ADAR: variants seen among roughly 807,000 people sequenced by gnomAD.
The protein encoded by ADAR is adenosine deaminase RNA specific.
Under a neutral mutation model 113.2 loss-of-function variants are expected in ADAR, and 41 were observed. That is an observed-to-expected ratio of 0.36 (90% CI 0.28 to 0.47). The LOEUF (loss-of-function observed/expected upper bound fraction) is 0.47. Ranked by LOEUF, ADAR falls within the 20% of genes least tolerant of loss-of-function variation. ADAR has a pLI of 1.00. For missense variants in ADAR, 1,242 were observed against 1,540.9 expected, an observed-to-expected ratio of 0.81 and a Z score of 3.25; for synonymous variants, 605 against 572.6, an observed-to-expected ratio of 1.06 and a Z score of -0.81.
intron 13 of ADAR, 161 bp downstream of exon 13, chr1:154,585,592 G>T: frequency 3.5e-6 from 3 of 869,216 alleles, no homozygotes; most frequent in Non-Finnish European, 5.5e-6. Context: ...GTTCTTGGGA[G>T]ACCAACCAAT....
chr1:154,627,914 A>AGCCTCCCCCCCCCCCCCCCCCCCCC, exon 1 of ADAR: 2 of 463,320 alleles, frequency 4.3e-6, no homozygotes, highest in Non-Finnish European at 8.5e-6. Flanking sequence ...TGCGGCCGCG[A>AGCCTCCCCCCCCCCCCCCCCCCCCC]CCCTCCCCCC....
intron 11 of ADAR, among the ~76,000 whole-genome samples, chr1:154,586,791 G>A (rs1228628690): frequency 6.6e-6 from 1 of 152,082 alleles, no homozygotes; most frequent in African/African-American, 2.4e-5. Flanking sequence ...CAAAAGCAAA[G>A]GCCCCAAGGC....
chr1:154,585,462 T>C, intron 13 of ADAR, 118 bp from the exon 14 acceptor site: 1 of 1,484,206 alleles, frequency 6.7e-7, no homozygotes, highest in South Asian at 1.2e-5. Flanking sequence ...TTCCCCTGTA[T>C]TTAGGGTTCT....
intron 6 of ADAR, among the ~76,000 whole-genome samples, chr1:154,595,640 AAAGTT>A (rs961973540): frequency 3.3e-5 from 5 of 152,170 alleles, no homozygotes; most frequent in African/African-American, 9.7e-5. Context: ...AAAAAATAAA[AAAGTT>A]AATAAAGTAA....
rs551995131 is a variant in ADAR, at chr1:154,594,866, CAG to C, written c.2270+1937_2270+1938del. Among the ~76,000 whole-genome samples the C allele has an allele frequency of 3.3e-3, 500 of 152,308 alleles. 1 individual carries two copies. The highest frequency in any genetic ancestry group is 0.011 in the African/African-American group (463 of 41,568). On this transcript the variant is annotated intron_variant, in intron 6 of 14. Transcript: ENST00000368474. ...TAAGTAAAGGAGTCAACGTATAAAA[CAG>C]AAGATATACTTGTTTAAAAAGACAA...
At chr1:154,594,394 TACAG>T (rs377413569) in intron 6 of ADAR, among the ~76,000 whole-genome samples, 46 of 152,304 alleles carry the variant, frequency 3.0e-4, no homozygotes, top group African/African-American at 9.9e-4. Flanking sequence ...TCTAGACATA[TACAG>T]ACAATCTTCA....
chr1:154,625,649 A>G (rs1371099192), intron 1 of ADAR, among the ~76,000 whole-genome samples: 5 of 152,206 alleles, frequency 3.3e-5, no homozygotes, highest in Non-Finnish European at 7.3e-5. Flanking sequence ...ACTTGAGGTC[A>G]GGAGTTCGAG....
At chr1:154,600,135 T>G (rs1697766941) in intron 2 of ADAR, 1 of 152,372 alleles carries the variant, frequency 6.6e-6, no homozygotes, top group Admixed American at 6.5e-5. Context: ...ATGATATTGA[T>G]GCATGGAGAT....
At position 154,602,506 on chromosome 1, in the gene ADAR, A is replaced by G; in HGVS notation, c.136T>C (p.Phe46Leu). 6.2e-7 allele frequency: 1 copy of G among 1,614,198 alleles called. No individual in the cohort carries two copies. Among genetic ancestry groups the G allele is most frequent in the East Asian group, 2.2e-5 (1 of 44,884 alleles). The stretch of plus-strand genomic sequence containing the variant: ...GCTTCTGGGAGCTGCCCCTTGAGAA[A>G]TTCTATTTGCTTAAGCAGGAAACTA... ...PSSFLLKQIE[F>L]LKGQLPEAPV... Residue 46 changes from phenylalanine (F) to leucine (L), a missense_variant, in exon 2 of 15, where the codon TTT (phenylalanine) becomes CTT (leucine). This residue lies in a region of ADAR where 462 missense variants were observed against 483.1 expected (regional missense o/e 0.96). Coordinates refer to ENST00000368474, the MANE Select transcript of ADAR (RefSeq NM_001111.5).
chr1:154,595,197 G>A (rs1264540959), intron 6 of ADAR, among the ~76,000 whole-genome samples: 2 of 152,232 alleles, frequency 1.3e-5, no homozygotes, highest in Non-Finnish European at 2.9e-5. Flanking sequence ...ACTGTGAACT[G>A]TGAATGCGAG....
At chr1:154,603,619 T>A (rs1698018552) in intron 1 of ADAR, among the ~76,000 whole-genome samples, 1 of 152,150 alleles carries the variant, frequency 6.6e-6, no homozygotes, top group South Asian at 2.1e-4. Context: ...ACCAAGCACC[T>A]GTGACCCCTT....
Position 154,584,797 on chromosome 1 carries a change from T to A in ADAR, c.*9A>T. On this transcript the variant is annotated 3_prime_UTR_variant, in exon 15 of 15. Coordinates refer to ENST00000368474, the MANE Select transcript of ADAR (RefSeq NM_001111.5). ...TGACACACCCTAATCCATCTGTCAC[T>A]GGAGCATACTATACTGGGCAGAGAT... is the stretch of plus-strand genomic sequence containing the variant. 6.2e-7 allele frequency: 1 copy of A among 1,607,292 alleles called. No individual in the cohort carries two copies. The highest frequency in any genetic ancestry group is 1.1e-5 in the South Asian group (1 of 90,892).
chr1:154,591,898 AT>A (rs2101596389), intron 6 of ADAR, among the ~76,000 whole-genome samples: 1 of 152,372 alleles, frequency 6.6e-6, no homozygotes, highest in East Asian at 1.9e-4. Context: ...GGACAGTGGC[AT>A]GAAAAGAAGA....
chr1:154,603,667 C>A (rs1698021704), intron 1 of ADAR, among the ~76,000 whole-genome samples: 1 of 152,118 alleles, frequency 6.6e-6, no homozygotes, highest in African/African-American at 2.4e-5. Flanking sequence ...ACTGTCTTCT[C>A]CCCAGGGCTG....
intron 1 of ADAR, among the ~76,000 whole-genome samples, chr1:154,603,618 C>T (rs1016733058): frequency 7.9e-5 from 12 of 152,174 alleles, no homozygotes; most frequent in Middle Eastern, 3.2e-3. Context: ...CACCAAGCAC[C>T]TGTGACCCCT....
chr1:154,584,906 G>A lies in ADAR; in HGVS notation c.3581C>T (p.Thr1194Met), dbSNP rs367899281. ...EAKKAARDYE[T>M]AKNYFKKGLK... The stretch of plus-strand genomic sequence containing the variant: ...GCCTTTTTTGAAGTAGTTCTTGGCC[G>A]TCTCGTAGTCACGGGCAGCTTTCTT... The change falls in exon 15 of 15, where the codon ACG (threonine) becomes ATG (methionine). Residue 1194 changes from threonine to methionine, a missense_variant. Physicochemically the swap from Thr to Met is moderately conservative, Grantham distance 81. Transcript: ENST00000368474. 3.8e-5 allele frequency: 61 copies of A among 1,614,162 alleles called. No individual in the cohort carries two copies. The highest frequency in any genetic ancestry group is 3.4e-4 in the South Asian group (31 of 91,084).
Position 154,593,145 on chromosome 1 carries a change from A to AAAC in ADAR, c.2271-2737_2271-2736insGTT, listed in dbSNP as rs1238421405. 8.6e-5 allele frequency among the ~76,000 whole-genome samples: 13 copies of AAAC among 151,518 alleles called. 1 individual carries two copies. The highest frequency in any genetic ancestry group is 2.7e-4 in the African/African-American group (11 of 41,372). On this transcript the variant is annotated intron_variant, in intron 6 of 14. Transcript: ENST00000368474. ...GTGAGACTCCATCTCCAAAAAAAAAAAAAAAAAAAAACAGAAAAGAAGTCA... is the reference window on the plus strand; with the variant it reads ...GTGAGACTCCATCTCCAAAAAAAAAAAACAAAAAAAAAAACAGAAAAGAAGTCA...
chr1:154,618,504 C>A (rs1276853768), intron 1 of ADAR, among the ~76,000 whole-genome samples: 1 of 151,966 alleles, frequency 6.6e-6, no homozygotes, highest in East Asian at 1.9e-4. Flanking sequence ...CAAGAACAAA[C>A]AAAACAGTTT....
chr1:154,584,615 AGACCTTGCC>A lies in ADAR; in HGVS notation c.*182_*190del. ...TGGGGGAAAAAAGGGGGGCCTGGCC[AGACCTTGCC>A]TAGCAATCCCAAAGAAAGCAGGATA... On this transcript the variant is annotated 3_prime_UTR_variant, in exon 15 of 15. Transcript: ENST00000368474. 1 of 617,204 alleles carries A rather than the reference AGACCTTGCC, an allele frequency of 1.6e-6. No homozygotes were observed. Among genetic ancestry groups the A allele is most frequent in the Non-Finnish European group, 2.9e-6 (1 of 349,752 alleles). 38.2% of individuals were successfully genotyped at this position (617,204 alleles called of 1,614,324 possible). A position where few individuals can be genotyped will look rare whatever the true frequency, so the allele number is the denominator to read the frequency against.
Sources: allele counts gnomAD v4.1 joint callset (sites outside exome capture counted in the v4.1 genomes callset), GRCh38; gene constraint gnomAD v4.1.1; regional missense constraint gnomAD v4.1.1; transcripts MANE v1.5; gene names NCBI Gene and HGNC (gene_info 2026-07-23, HGNC 2026-07-21).